The following BRIP1 variants were observed in gnomAD, a reference collection of about 807,000 sequenced individuals.
BRIP1 encodes Fanconi anemia group J protein.
In BRIP1, 88 loss-of-function variants were observed where a neutral mutation model predicts 119.7. That is an observed-to-expected ratio of 0.74 (90% CI 0.62 to 0.88). BRIP1 has a LOEUF of 0.88. Among genes scored for constraint, BRIP1 ranks in the 40% least tolerant of loss-of-function variants. The pLI is 0.00. For synonymous variants in BRIP1, 443 were observed against 496.5 expected (o/e 0.89, Z 1.43); for missense variants, 1,259 against 1,455.4 (o/e 0.87, Z 2.20).
At chr17:61,719,955 A>C (rs1156487975) in intron 16 of BRIP1, among the ~76,000 whole-genome samples, 1 of 151,990 alleles carries the variant, frequency 6.6e-6, no homozygotes, top group Non-Finnish European at 1.5e-5. Flanking sequence ...CAGCCTCCCA[A>C]GTAGGTTGGA....
chr17:61,783,393 G>A lies in BRIP1; in HGVS notation c.1628+877C>T, dbSNP rs565768707. On this transcript the variant is annotated intron_variant, in intron 11 of 19. Coordinates refer to ENST00000259008, the MANE Select transcript of BRIP1 (RefSeq NM_032043.3). ...AGAATACAGGTTAGCAGGTGATGAG[G>A]GGAAAGACTCTAGGGGTTATTATTT... 1.7e-3 allele frequency among the ~76,000 whole-genome samples: 257 copies of A among 152,248 alleles called. 1 individual carries two copies. Among genetic ancestry groups the A allele is most frequent in the African/African-American group, 6.0e-3 (250 of 41,538 alleles).
intron 10 of BRIP1, among the ~76,000 whole-genome samples, chr17:61,790,726 A>G (rs1318234576): frequency 6.6e-6 from 1 of 151,554 alleles, no homozygotes; most frequent in African/African-American, 2.4e-5. Flanking sequence ...TGTAGCCTCA[A>G]CCTCCTGGGT....
At chr17:61,787,780 G>C (rs998081445) in intron 10 of BRIP1, among the ~76,000 whole-genome samples, 1 of 152,148 alleles carries the variant, frequency 6.6e-6, no homozygotes, top group Non-Finnish European at 1.5e-5. Flanking sequence ...GAGTAGCGGG[G>C]ACTACAGGCG....
At position 61,717,084 on chromosome 17, in the gene BRIP1, T is replaced by G. The variant is rs1258895951; in HGVS notation, c.2380-1021A>C. Reference sequence around the variant, plus strand: ...ATTATCTTTTAATTTTAAATAAGTTTATAATTTTGAAATAAGTTTAGATTT... The same window carrying G: ...ATTATCTTTTAATTTTAAATAAGTTGATAATTTTGAAATAAGTTTAGATTT... On this transcript the variant is annotated intron_variant, in intron 16 of 19. Coordinates refer to ENST00000259008, the MANE Select transcript of BRIP1 (RefSeq NM_032043.3). This position sits in a 1 kb window ranked among gnomAD's most constrained non-coding sequence, Gnocchi z 4.1. 1.3e-5 allele frequency among the ~76,000 whole-genome samples: 2 copies of G among 152,086 alleles called. No individual in the cohort carries two copies. Among genetic ancestry groups the G allele is most frequent in the African/African-American group, 4.8e-5 (2 of 41,442 alleles).
rs1208223636 is a variant in BRIP1, at chr17:61,681,376, A to G, written c.*1920T>C. 9.4e-6 allele frequency: 2 copies of G among 211,892 alleles called. No homozygotes were observed. The highest frequency in any genetic ancestry group is 1.9e-5 in the Non-Finnish European group (2 of 104,676). 13.1% of individuals were successfully genotyped at this position (211,892 alleles called of 1,614,324 possible). A position where few individuals can be genotyped will look rare whatever the true frequency, so the allele number is the denominator to read the frequency against. On this transcript the variant is annotated 3_prime_UTR_variant, in exon 20 of 20. Transcript: ENST00000259008. The surrounding 1 kb of genome is among the most constrained non-coding windows in gnomAD (Gnocchi z 5.1). ...ATTCCTTTATAGATTCTCAAAGCAC[A>G]AAGAAATTTGTATGATTTTATAGTA...
rs866050288 is a variant in BRIP1, at chr17:61,851,103, C to T, written c.380-1847G>A. 1.3e-5 allele frequency among the ~76,000 whole-genome samples: 2 copies of T among 151,882 alleles called. No homozygotes were observed. The highest frequency in any genetic ancestry group is 3.4e-3 in the Middle Eastern group (1 of 294). ...ATTAGCTGGGCATGGTGGTGCATGC[C>T]TGTAATCCCAGCTACTTGGGAGGCT... On this transcript the variant is annotated intron_variant, in intron 4 of 19. Coordinates refer to ENST00000259008, the MANE Select transcript of BRIP1 (RefSeq NM_032043.3). This position sits in a 1 kb window ranked among gnomAD's most constrained non-coding sequence, Gnocchi z 4.6.
Position 61,703,949 on chromosome 17 carries a change from C to T in BRIP1, c.2493-10437G>A, listed in dbSNP as rs537501436. On this transcript the variant is annotated intron_variant, in intron 17 of 19. Coordinates refer to ENST00000259008, the MANE Select transcript of BRIP1 (RefSeq NM_032043.3). This position sits in a 1 kb window ranked among gnomAD's most constrained non-coding sequence, Gnocchi z 5.0. ...TCTTTGCCAAATCTGATGTTTAGAA[C>T]AGTATTTCCTAGGTTTTCTTCTAGG... Among the ~76,000 whole-genome samples the T allele has an allele frequency of 2.4e-4, 37 of 152,230 alleles. No individual in the cohort carries two copies. The highest frequency in any genetic ancestry group is 2.5e-4 in the Non-Finnish European group (17 of 67,998).
chr17:61,687,938 C>T lies in BRIP1; in HGVS notation c.2576-1773G>A, dbSNP rs2144132494. 2.6e-5 allele frequency among the ~76,000 whole-genome samples: 4 copies of T among 152,296 alleles called. No individual in the cohort carries two copies. The South Asian group carries it at 8.3e-4, about 32-fold the overall frequency. ...TGAAGAGCTGACATGAGCTGGCATA[C>T]CCTACATGCCCAGGGGCCACTAAGA... On this transcript the variant is annotated intron_variant, in intron 18 of 19. Transcript: ENST00000259008. The surrounding 1 kb of genome is among the most constrained non-coding windows in gnomAD (Gnocchi z 5.1).
rs957860911 is a variant in BRIP1 at position 61,862,600 on chromosome 17, T to C, written c.-31+684A>G. 2.0e-5 allele frequency among the ~76,000 whole-genome samples: 3 copies of C among 152,208 alleles called. No individual in the cohort carries two copies. The highest frequency in any genetic ancestry group is 1.3e-4 in the Admixed American group (2 of 15,288). On this transcript the variant is annotated intron_variant, in intron 1 of 19. Coordinates refer to ENST00000259008, the MANE Select transcript of BRIP1 (RefSeq NM_032043.3). The surrounding 1 kb of genome is among the most constrained non-coding windows in gnomAD (Gnocchi z 5.3). ...TGCAAGCATAAGTTTCTGTACATGA[T>C]TGCATTTTTCTGAAGAAAAAGTCCA...
In BRIP1 at chr17:61,703,973, G is replaced by C. The variant is rs918791089; in HGVS notation, c.2493-10461C>G. 6.6e-5 allele frequency among the ~76,000 whole-genome samples: 10 copies of C among 152,030 alleles called. No individual in the cohort carries two copies. The highest frequency in any genetic ancestry group is 3.3e-4 in the Admixed American group (5 of 15,264). On this transcript the variant is annotated intron_variant, in intron 17 of 19. Transcript: ENST00000259008. This position sits in a 1 kb window ranked among gnomAD's most constrained non-coding sequence, Gnocchi z 5.0. ...ACAGTATTTCCTAGGTTTTCTTCTAGGATTTTTATAGTTTGAGGTCTTACA... is the reference window on the plus strand; with the variant it reads ...ACAGTATTTCCTAGGTTTTCTTCTACGATTTTTATAGTTTGAGGTCTTACA...
At position 61,847,140 on chromosome 17, in the gene BRIP1, G is replaced by A. The variant is rs758851721; in HGVS notation, c.588C>T (p.Asn196=). The A allele has an allele frequency of 2.5e-6, 4 of 1,613,798 alleles. No homozygotes were observed. The East Asian group carries it at 6.7e-5, about 27-fold the overall frequency. ...AGGAGTTTATCTTTTCCAGTGGAGA[G>A]TTGAGTTTTACAGTCTTTCCTGAAT... ...KVDSGKTVKL[N]SPLEKINSFS... Residue 196 remains asparagine (N), a synonymous_variant, in exon 6 of 20, where the codon AAC becomes AAT. Coordinates refer to ENST00000259008, the MANE Select transcript of BRIP1 (RefSeq NM_032043.3).
rs1035619928 is a variant in BRIP1 at position 61,768,079 on chromosome 17, A to G, written c.2097+8322T>C. Among the ~76,000 whole-genome samples, 8 of 152,192 alleles carry G rather than the reference A, an allele frequency of 5.3e-5. No homozygotes were observed. The highest frequency in any genetic ancestry group is 1.9e-4 in the African/African-American group (8 of 41,448). ...AGGATGTGTACACTTATTTTATACC[A>G]CAACCCAAACTGAAATCTTCTTGAA... On this transcript the variant is annotated intron_variant, in intron 14 of 19. Coordinates refer to ENST00000259008, the MANE Select transcript of BRIP1 (RefSeq NM_032043.3). The surrounding 1 kb of genome is among the most constrained non-coding windows in gnomAD (Gnocchi z 5.0).
Position 61,793,575 on chromosome 17 carries a change from A to G in BRIP1, c.1473+22T>C. On this transcript the variant is annotated intron_variant, in intron 10 of 19. Transcript: ENST00000259008. The surrounding 1 kb of genome is among the most constrained non-coding windows in gnomAD (Gnocchi z 5.2). ...ACTTCTAATTCACTAAATACGTTTCACAGGTAGAAAAAATATCTTACCTGC... is the reference window on the plus strand; with the variant it reads ...ACTTCTAATTCACTAAATACGTTTCGCAGGTAGAAAAAATATCTTACCTGC... 5 of 1,592,938 alleles carry G rather than the reference A, an allele frequency of 3.1e-6. No individual in the cohort carries two copies. The highest frequency in any genetic ancestry group is 4.3e-6 in the Non-Finnish European group (5 of 1,167,682).
chr17:61,687,196 C>T lies in BRIP1; in HGVS notation c.2576-1031G>A, dbSNP rs1209195797. ...TCAAGGTTTCAGTGAACTATGATCA[C>T]GTCACTGCACTCCAGCCTGGGCAAC... is the stretch of plus-strand genomic sequence containing the variant. On this transcript the variant is annotated intron_variant, in intron 18 of 19. Coordinates refer to ENST00000259008, the MANE Select transcript of BRIP1 (RefSeq NM_032043.3). The surrounding 1 kb of genome is among the most constrained non-coding windows in gnomAD (Gnocchi z 5.1). 6.6e-6 allele frequency among the ~76,000 whole-genome samples: 1 copy of T among 151,986 alleles called. No homozygotes were observed. The highest frequency in any genetic ancestry group is 1.5e-5 in the Non-Finnish European group (1 of 68,010).
chr17:61,813,381 C>T (rs1248485855), intron 6 of BRIP1, among the ~76,000 whole-genome samples: 1 of 152,010 alleles, frequency 6.6e-6, no homozygotes, highest in Non-Finnish European at 1.5e-5. Context: ...TTATATAGCT[C>T]ATTCATCGAG....
chr17:61,781,060 A>G (rs1192727865), intron 11 of BRIP1, 55 bp from the exon 12 acceptor site: 3 of 1,534,780 alleles, frequency 2.0e-6, no homozygotes, highest in Admixed American at 1.7e-5. Context: ...CCTATGACCC[A>G]GCTACATACA....
rs2145824742 is a variant in BRIP1 at position 61,857,012 on chromosome 17, G to A, written c.379+46C>T. Reference sequence around the variant, plus strand: ...TAGGGCTTATAACAGTAATAATTAAGACTCTTATTACAGATATCAACTGAC... The same window carrying A: ...TAGGGCTTATAACAGTAATAATTAAAACTCTTATTACAGATATCAACTGAC... On this transcript the variant is annotated intron_variant, in intron 4 of 19. Coordinates refer to ENST00000259008, the MANE Select transcript of BRIP1 (RefSeq NM_032043.3). The surrounding 1 kb of genome is among the most constrained non-coding windows in gnomAD (Gnocchi z 5.1). The A allele has an allele frequency of 6.5e-7, 1 of 1,533,732 alleles. No homozygotes were observed. Among genetic ancestry groups the A allele is most frequent in the South Asian group, 1.1e-5 (1 of 89,414 alleles).
Position 61,799,118 on chromosome 17 carries a change from A to G in BRIP1, c.1322T>C (p.Val441Ala), listed in dbSNP as rs1458068665. Residue 441 changes from valine (V) to alanine (A), a missense_variant, in exon 9 of 20, where the codon GTG becomes GCG. This residue lies in a region of BRIP1 where 501 missense variants were observed against 544.0 expected (regional missense o/e 0.92). Coordinates refer to ENST00000259008, the MANE Select transcript of BRIP1 (RefSeq NM_032043.3). This position sits in a 1 kb window ranked among gnomAD's most constrained non-coding sequence, Gnocchi z 5.1. ...TTCTTACTTAATGAGGCTACAGCAC[A>G]CAGCTCGTAGGGGTTCATGATCTTT... ...RKKDHEPLRA[V>A]CCSLINWLEA... The G allele has an allele frequency of 1.2e-6, 2 of 1,613,282 alleles. No homozygotes were observed. Among genetic ancestry groups the G allele is most frequent in the Admixed American group, 3.3e-5 (2 of 59,968 alleles).
At chr17:61,838,518 T>C (rs1175791630) in intron 6 of BRIP1, among the ~76,000 whole-genome samples, 1 of 151,076 alleles carries the variant, frequency 6.6e-6, no homozygotes, top group Non-Finnish European at 1.5e-5. Context: ...CACTCCAGCC[T>C]GGGCGACAGA....
Sources: allele counts gnomAD v4.1 joint callset (sites outside exome capture counted in the v4.1 genomes callset), GRCh38; gene constraint gnomAD v4.1.1; regional missense constraint gnomAD v4.1.1; non-coding constraint Gnocchi (gnomAD v3.1); transcripts MANE v1.5; gene names NCBI Gene and HGNC (gene_info 2026-07-23, HGNC 2026-07-21).